Variants in KRCC1 observed in about 807,000 individuals in gnomAD.
KRCC1 encodes the protein lysine rich coiled-coil 1, also known as lysine-rich coiled-coil protein 1.
Under a neutral mutation model 7.4 loss-of-function variants are expected in KRCC1, and 3 were observed. The observed-to-expected ratio is 0.40, with a 90% CI of 0.18 to 1.04. The LOEUF (loss-of-function observed/expected upper bound fraction) is 1.04. Ranked by LOEUF, KRCC1 falls within the 50% of genes least tolerant of loss-of-function variation. KRCC1 has a pLI of 0.33. For synonymous variants in KRCC1, 102 were observed against 101.6 expected (o/e 1.00, Z -0.02); for missense variants, 277 against 300.9 (o/e 0.92, Z 0.59).
At chr2:88,031,191 G>GT (rs1267157473) in intron 3 of KRCC1, among the ~76,000 whole-genome samples, 1 of 152,152 alleles carries the variant, frequency 6.6e-6, no homozygotes, top group Non-Finnish European at 1.5e-5. Flanking sequence ...CTCCATGCAT[G>GT]TTACTGCCCC....
chr2:88,039,897 C>T (rs1357639853), intron 1 of KRCC1, among the ~76,000 whole-genome samples: 1 of 151,484 alleles, frequency 6.6e-6, no homozygotes, highest in East Asian at 1.9e-4. Flanking sequence ...TGGCGTAGTG[C>T]TTCGTGCCTG....
intron 3 of KRCC1, among the ~76,000 whole-genome samples, chr2:88,033,277 A>G (rs1031917060): frequency 1.3e-5 from 2 of 152,222 alleles, no homozygotes; most frequent in African/African-American, 4.8e-5. Flanking sequence ...TAATCCCAGC[A>G]CTTTGGGAGG....
chr2:88,036,906 G>C (rs1304472567), intron 2 of KRCC1, 37 bp downstream of exon 2: 1 of 152,136 alleles, frequency 6.6e-6, no homozygotes, highest in Non-Finnish European at 1.5e-5. Context: ...CATTTAAAAA[G>C]TGACATTAGG....
In KRCC1 at chr2:88,027,587, TA is replaced by T; in HGVS notation, c.*196del. ...AATTACACTATATGTTCAAAAAATG[TA>T]ATAATGCTTTTAGAAAATGAGGAAA... On this transcript the variant is annotated 3_prime_UTR_variant, in exon 4 of 4. Transcript: ENST00000347055. The T allele has an allele frequency of 2.0e-6, 1 of 489,892 alleles. No homozygotes were observed. Among genetic ancestry groups the T allele is most frequent in the Non-Finnish European group, 3.6e-6 (1 of 281,058 alleles). The allele number at this position is 489,892 out of a possible 1,614,324, so 30.3% of individuals were successfully genotyped here.
Position 88,027,645 on chromosome 2 carries a change from A to T in KRCC1, c.*139T>A. ...TTCTGTGTTGGAGAGCAAGCATGCT[A>T]AACACTTTGTTTACTAGGCCTTTGT... On this transcript the variant is annotated 3_prime_UTR_variant, in exon 4 of 4. Transcript: ENST00000347055. 1.5e-6 allele frequency: 1 copy of T among 665,108 alleles called. No individual in the cohort carries two copies. The highest frequency in any genetic ancestry group is 2.5e-6 in the Non-Finnish European group (1 of 405,520). 41.2% of individuals were successfully genotyped at this position (665,108 alleles called of 1,614,324 possible).
intron 1 of KRCC1, among the ~76,000 whole-genome samples, chr2:88,052,783 T>C (rs1322255365): frequency 6.6e-6 from 1 of 152,218 alleles, no homozygotes; most frequent in East Asian, 1.9e-4. Flanking sequence ...TTGTGACTGT[T>C]AGTATACTTG....
At chr2:88,033,952 A>T (rs1334581267) in intron 3 of KRCC1, among the ~76,000 whole-genome samples, 182 bp downstream of exon 3, 1 of 152,236 alleles carries the variant, frequency 6.6e-6, no homozygotes, top group Admixed American at 6.5e-5. Context: ...ATCAACTGAT[A>T]AATGGATAAA....
At chr2:88,031,643 TA>T (rs549571419) in intron 3 of KRCC1, among the ~76,000 whole-genome samples, 7 of 148,164 alleles carry the variant, frequency 4.7e-5, no homozygotes, top group East Asian at 2.0e-4. Flanking sequence ...AAAATAAAAA[TA>T]AAAAAAAAGT....
At position 88,030,446 on chromosome 2, in the gene KRCC1, T is replaced by C. The variant is rs74748578; in HGVS notation, c.-22-1861A>G. ...AGTATACAAATTCTGACTAGAAAAA[T>C]AATAAAAAATAATGTAACAAATACT... On this transcript the variant is annotated intron_variant, in intron 3 of 3. Coordinates refer to ENST00000347055, the MANE Select transcript of KRCC1 (RefSeq NM_016618.3). 9.0e-3 allele frequency among the ~76,000 whole-genome samples: 1,364 copies of C among 151,642 alleles called. 27 individuals are homozygous for C. The highest frequency in any genetic ancestry group is 0.086 in the East Asian group (435 of 5,072).
At chr2:88,034,891 G>C (rs1197830805) in intron 2 of KRCC1, among the ~76,000 whole-genome samples, 1 of 152,024 alleles carries the variant, frequency 6.6e-6, no homozygotes, top group Admixed American at 6.6e-5. Flanking sequence ...GTATAAGTGA[G>C]ATCATATGGT....
intron 1 of KRCC1, among the ~76,000 whole-genome samples, chr2:88,045,018 T>G (rs1673299525): frequency 6.6e-6 from 1 of 151,916 alleles, no homozygotes; most frequent in African/African-American, 2.4e-5. Flanking sequence ...CCATCATGCC[T>G]GGCTAATTTT....
chr2:88,046,949 T>C (rs1219090041), intron 1 of KRCC1, among the ~76,000 whole-genome samples: 2 of 152,188 alleles, frequency 1.3e-5, no homozygotes, highest in African/African-American at 2.4e-5. Context: ...AGTGGGACTA[T>C]GGGCATGAGC....
rs888130904 is a variant in KRCC1, at chr2:88,034,135, C to T, written c.-24G>A. ...AGAGGTGAATGGAACCTTACTTACC[C>T]TTATCAGGCTGAGAATTTGGTGGAG... On this transcript the variant is annotated splice_region_variant and 5_prime_UTR_variant, in exon 3 of 4. Transcript: ENST00000347055. The T allele has an allele frequency of 6.6e-5, 10 of 152,612 alleles. No individual in the cohort carries two copies. Among genetic ancestry groups the T allele is most frequent in the Non-Finnish European group, 1.0e-4 (7 of 68,044 alleles). 9.5% of individuals were successfully genotyped at this position (152,612 alleles called of 1,614,324 possible).
chr2:88,055,394 C>T (rs1417155936), intron 1 of KRCC1, among the ~76,000 whole-genome samples: 1 of 152,100 alleles, frequency 6.6e-6, no homozygotes, highest in Non-Finnish European at 1.5e-5. Context: ...CCGACCTCGG[C>T]TTCCTCCGCA....
At chr2:88,046,734 A>C (rs1051543682) in intron 1 of KRCC1, among the ~76,000 whole-genome samples, 6 of 152,302 alleles carry the variant, frequency 3.9e-5, no homozygotes, top group Admixed American at 3.9e-4. Context: ...GCAGTGGTGC[A>C]ATCTCGACTC....
At chr2:88,046,782 T>G (rs568336375) in intron 1 of KRCC1, among the ~76,000 whole-genome samples, 1 of 152,222 alleles carries the variant, frequency 6.6e-6, no homozygotes, top group Non-Finnish European at 1.5e-5. Flanking sequence ...TTGATCCTCC[T>G]GCCTCAGCCT....
In KRCC1 at chr2:88,027,970, C is replaced by T; in HGVS notation, c.594G>A (p.Lys198=). The T allele has an allele frequency of 6.2e-7, 1 of 1,613,340 alleles. No individual in the cohort carries two copies. Among genetic ancestry groups the T allele is most frequent in the Non-Finnish European group, 8.5e-7 (1 of 1,179,876 alleles). The change falls in exon 4 of 4, where the codon AAG becomes AAA. Residue 198 remains lysine, a synonymous_variant. Coordinates refer to ENST00000347055, the MANE Select transcript of KRCC1 (RefSeq NM_016618.3). The part of the protein sequence containing the change: ...DLDKHKSIQR[K]KTEVEIETVH... ...CGGTTTCTATTTCCACCTCTGTTTT[C>T]TTTCTTTGGATGCTCTTGTGTTTGT...
intron 1 of KRCC1, among the ~76,000 whole-genome samples, chr2:88,051,699 G>C (rs770340042): frequency 3.9e-5 from 6 of 152,150 alleles, no homozygotes; most frequent in Non-Finnish European, 8.8e-5. Flanking sequence ...CCTTAACAGA[G>C]ATTACTCTGA....
Position 88,040,102 on chromosome 2 carries a change from C to CTT in KRCC1, c.-290-3052_-290-3051insAA, listed in dbSNP as rs201369824. ...ACTGAGGACTAGTTATTTAGAAGCT[C>CTT]AAGATATCTTAAAATAGAACAATAA... On this transcript the variant is annotated intron_variant, in intron 1 of 3. Transcript: ENST00000347055. Among the ~76,000 whole-genome samples the CTT allele has an allele frequency of 7.7e-3, 1,170 of 152,246 alleles. 14 individuals carry two copies. The highest frequency in any genetic ancestry group is 0.027 in the African/African-American group (1,139 of 41,542).
Sources: allele counts gnomAD v4.1 joint callset (sites outside exome capture counted in the v4.1 genomes callset), GRCh38; gene constraint gnomAD v4.1.1; transcripts MANE v1.5; gene names NCBI Gene and HGNC (gene_info 2026-07-23, HGNC 2026-07-21).